AQP9: variants seen among roughly 807,000 people sequenced by gnomAD.
AQP9 encodes aquaporin-9.
Under a neutral mutation model 23.8 loss-of-function variants are expected in AQP9, and 19 were observed. That is an observed-to-expected ratio of 0.80 (90% CI 0.56 to 1.17). AQP9 has a LOEUF of 1.17. Among genes scored for constraint, AQP9 ranks in the 50% most tolerant of loss-of-function variants. The pLI is 0.00. For synonymous variants in AQP9, 153 were observed against 131.5 expected (o/e 1.16, Z -1.12); for missense variants, 413 against 362.0 (o/e 1.14, Z -1.14).
At chr15:58,152,678 C>A (rs1898173653) in intron 1 of AQP9, 1 of 152,088 alleles carries the variant, frequency 6.6e-6, no homozygotes, top group Admixed American at 6.6e-5. Context: ...CCTTAGCCAA[C>A]CCCTGCAAAA....
At chr15:58,176,660 G>A (rs1898762840) in intron 4 of AQP9, among the ~76,000 whole-genome samples, 1 of 149,908 alleles carries the variant, frequency 6.7e-6, no homozygotes, top group Non-Finnish European at 1.5e-5. Flanking sequence ...CCCCAGGCTG[G>A]AGTGCAGTGG....
At chr15:58,146,693 T>C (rs1898050869) in intron 1 of AQP9, 1 of 152,178 alleles carries the variant, frequency 6.6e-6, no homozygotes. Flanking sequence ...GAATTCCACG[T>C]GGCCTAAGGT....
chr15:58,153,664 G>C (rs1898193031), intron 1 of AQP9: 1 of 152,066 alleles, frequency 6.6e-6, no homozygotes, highest in Non-Finnish European at 1.5e-5. Flanking sequence ...TGAAAAATAG[G>C]AGGACTATTC....
chr15:58,159,721 T>A (rs1898335241), intron 1 of AQP9, among the ~76,000 whole-genome samples: 1 of 152,186 alleles, frequency 6.6e-6, no homozygotes, highest in South Asian at 2.1e-4. Context: ...TGAGATCCAC[T>A]TTTTTAGCTC....
chr15:58,172,444 T>C (rs1043840499), intron 2 of AQP9, among the ~76,000 whole-genome samples: 3 of 152,194 alleles, frequency 2.0e-5, no homozygotes, highest in African/African-American at 7.2e-5. Flanking sequence ...AGCTGGAGCT[T>C]GGGCTGGGCT....
Position 58,184,192 on chromosome 15 carries a change from A to T in AQP9, c.*57A>T. 6.4e-7 allele frequency: 1 copy of T among 1,560,800 alleles called. No homozygotes were observed. The highest frequency in any genetic ancestry group is 8.8e-7 in the Non-Finnish European group (1 of 1,141,852). ...TTGGGATTCTCTTCAGAAAGATGGC[A>T]TCTAAGTGTCTGTGTTCTTGTAAGC... On this transcript the variant is annotated 3_prime_UTR_variant, in exon 6 of 6. Coordinates refer to ENST00000219919, the MANE Select transcript of AQP9 (RefSeq NM_020980.5).
chr15:58,184,398 C>T lies in AQP9; in HGVS notation c.*263C>T, dbSNP rs1378061134. The T allele has an allele frequency of 5.8e-5, 21 of 363,328 alleles. 1 individual carries two copies. Among genetic ancestry groups the T allele is most frequent in the Middle Eastern group, 7.0e-4 (1 of 1,432 alleles). The allele number at this position is 363,328 out of a possible 1,614,324, so 22.5% of individuals were successfully genotyped here. ...TCTCTCCTGCCCTGTTTATTTCATC[C>T]TCGATGGGAATTCTTGCTAGGTAAG... On this transcript the variant is annotated 3_prime_UTR_variant, in exon 6 of 6. Coordinates refer to ENST00000219919, the MANE Select transcript of AQP9 (RefSeq NM_020980.5).
chr15:58,152,797 A>G (rs977927550), intron 1 of AQP9: 5 of 152,100 alleles, frequency 3.3e-5, no homozygotes, highest in African/African-American at 1.2e-4. Flanking sequence ...ATTATCTCAA[A>G]CTGACAGTAA....
intron 1 of AQP9, chr15:58,153,051 CT>C (rs1278758328): frequency 2.0e-5 from 3 of 152,118 alleles, no homozygotes; most frequent in Non-Finnish European, 4.4e-5. Context: ...GGAATTGTGT[CT>C]TTTTTACTAA....
intron 1 of AQP9, among the ~76,000 whole-genome samples, chr15:58,159,302 A>T (rs1351505020): frequency 6.6e-6 from 1 of 151,870 alleles, no homozygotes; most frequent in African/African-American, 2.4e-5. Flanking sequence ...TTTTAGTAAG[A>T]TTCCCGTCTA....
At chr15:58,144,929 G>A (rs1479996071) in intron 1 of AQP9, among the ~76,000 whole-genome samples, 1 of 147,618 alleles carries the variant, frequency 6.8e-6, no homozygotes, top group Non-Finnish European at 1.5e-5. Flanking sequence ...CAGGAGAATC[G>A]CTTCAACCCG....
At chr15:58,146,272 C>T (rs1898042141) in intron 1 of AQP9, among the ~76,000 whole-genome samples, 1 of 151,954 alleles carries the variant, frequency 6.6e-6, no homozygotes, top group African/African-American at 2.4e-5. Flanking sequence ...ATGCCTCAAC[C>T]ATTTTTTTCA....
intron 1 of AQP9, among the ~76,000 whole-genome samples, chr15:58,139,530 GT>G: frequency 6.6e-6 from 1 of 152,066 alleles, no homozygotes; most frequent in African/African-American, 2.4e-5. Flanking sequence ...ATTTCAACTG[GT>G]TTTTTTTATC....
intron 2 of AQP9, among the ~76,000 whole-genome samples, chr15:58,171,697 T>C (rs531636387): frequency 2.6e-5 from 4 of 152,326 alleles, no homozygotes; most frequent in African/African-American, 4.8e-5. Flanking sequence ...GAAAGGACTC[T>C]TGTGGCTTAG....
intron 1 of AQP9, among the ~76,000 whole-genome samples, chr15:58,164,413 T>A (rs1013410943): frequency 6.6e-6 from 1 of 152,244 alleles, no homozygotes; most frequent in South Asian, 2.1e-4. Context: ...TTTTAGGAGA[T>A]ACTACTAAAA....
At chr15:58,149,466 C>T (rs529036037) in intron 1 of AQP9, among the ~76,000 whole-genome samples, 100 of 152,306 alleles carry the variant, frequency 6.6e-4, no homozygotes, top group African/African-American at 2.2e-3. Flanking sequence ...ATTCTTTTAA[C>T]TTCTCTAAGC....
intron 1 of AQP9, among the ~76,000 whole-genome samples, chr15:58,149,734 C>T (rs759535889): frequency 1.3e-5 from 2 of 152,162 alleles, no homozygotes; most frequent in Non-Finnish European, 2.9e-5. Flanking sequence ...GGCTGGAGGG[C>T]CAAGGTTTGC....
chr15:58,148,095 C>T lies in AQP9; in HGVS notation c.111+9419C>T, dbSNP rs1342684385. Reference sequence around the variant, plus strand: ...CATATTCATATGTATTTTCTTCACCCCCTTCCTCCCCATGAGAGAGCTCAC... The same window carrying T: ...CATATTCATATGTATTTTCTTCACCTCCTTCCTCCCCATGAGAGAGCTCAC... On this transcript the variant is annotated intron_variant, in intron 1 of 5. Transcript: ENST00000219919. Among the ~76,000 whole-genome samples the T allele has an allele frequency of 2.0e-5, 3 of 152,048 alleles. No individual in the cohort carries two copies. The South Asian group carries it at 6.2e-4, about 32-fold the overall frequency.
chr15:58,143,184 T>C (rs1353962199), intron 1 of AQP9, among the ~76,000 whole-genome samples: 1 of 152,250 alleles, frequency 6.6e-6, no homozygotes, highest in African/African-American at 2.4e-5. Context: ...TTGGTACTTC[T>C]GTACTTGGGA....
Sources: allele counts gnomAD v4.1 joint callset (sites outside exome capture counted in the v4.1 genomes callset), GRCh38; gene constraint gnomAD v4.1.1; transcripts MANE v1.5; gene names NCBI Gene and HGNC (gene_info 2026-07-23, HGNC 2026-07-21).